PARN: variants seen among roughly 807,000 people sequenced by gnomAD.
PARN encodes poly(A)-specific ribonuclease PARN.
Under a neutral mutation model 102.8 loss-of-function variants are expected in PARN, and 71 were observed. The observed-to-expected ratio is 0.69, with a 90% CI of 0.57 to 0.84. The LOEUF is 0.84. Among genes scored for constraint, PARN ranks in the 40% least tolerant of loss-of-function variants. The pLI is 0.00. For missense variants in PARN, 782 were observed against 760.9 expected (o/e 1.03, Z -0.33); for synonymous variants, 261 against 252.9 (o/e 1.03, Z -0.30).
intron 22 of PARN, among the ~76,000 whole-genome samples, chr16:14,480,672 G>A (rs1279147787): frequency 1.3e-5 from 2 of 152,146 alleles, no homozygotes; most frequent in East Asian, 3.9e-4. Flanking sequence ...CAGGTGCAGT[G>A]GCTCACGCCT....
intron 12 of PARN, among the ~76,000 whole-genome samples, chr16:14,593,988 C>T (rs996532787): frequency 6.6e-6 from 1 of 151,608 alleles, no homozygotes; most frequent in African/African-American, 2.4e-5. Context: ...CAGAGTGAGA[C>T]CCCGTCTCAA....
rs760852789 is a variant in PARN, at chr16:14,453,959, T to C, written c.1671-6878A>G. On this transcript the variant is annotated intron_variant, in intron 22 of 23. Coordinates refer to ENST00000437198, the MANE Select transcript of PARN (RefSeq NM_002582.4). ...TACCTAGAAGGATTTCTGGGTGATA[T>C]ATAAAAATACATTTGCAATTTATGT... Among the ~76,000 whole-genome samples, 7 of 152,218 alleles carry C rather than the reference T, an allele frequency of 4.6e-5. No individual in the cohort carries two copies. The East Asian group carries it at 5.8e-4, about 13-fold the overall frequency.
At chr16:14,574,949 G>A (rs1007635650) in intron 18 of PARN, among the ~76,000 whole-genome samples, 1 of 152,190 alleles carries the variant, frequency 6.6e-6, no homozygotes, top group Non-Finnish European at 1.5e-5. Context: ...AAGTGGCCAA[G>A]GTACAGATCA....
intron 21 of PARN, among the ~76,000 whole-genome samples, chr16:14,541,908 T>G (rs773915302): frequency 3.9e-5 from 6 of 152,172 alleles, no homozygotes; most frequent in African/African-American, 1.2e-4. Flanking sequence ...AATTACTCAA[T>G]ATACAAAGAA....
chr16:14,500,046 C>A (rs1964504809), intron 21 of PARN, among the ~76,000 whole-genome samples: 1 of 152,078 alleles, frequency 6.6e-6, no homozygotes, highest in East Asian at 1.9e-4. Flanking sequence ...GAGAAGAACA[C>A]AGAATGCTTT....
At chr16:14,514,456 G>T (rs1314057487) in intron 21 of PARN, among the ~76,000 whole-genome samples, 2 of 152,146 alleles carry the variant, frequency 1.3e-5, no homozygotes, top group African/African-American at 4.8e-5. Context: ...AAAGTGCTGG[G>T]ATTACAGGCA....
At chr16:14,476,620 A>C (rs1054905065) in intron 22 of PARN, among the ~76,000 whole-genome samples, 1 of 152,208 alleles carries the variant, frequency 6.6e-6, no homozygotes, top group Non-Finnish European at 1.5e-5. Context: ...ACTTGAAGCA[A>C]AGAGTTCAAG....
intron 21 of PARN, among the ~76,000 whole-genome samples, chr16:14,533,229 C>A (rs1291067716): frequency 6.6e-6 from 1 of 152,142 alleles, no homozygotes; most frequent in African/African-American, 2.4e-5. Flanking sequence ...CACAGCGAAA[C>A]CCCGTCTCCA....
At chr16:14,611,012 T>C (rs913949455) in intron 6 of PARN, among the ~76,000 whole-genome samples, 6 of 152,248 alleles carry the variant, frequency 3.9e-5, no homozygotes, top group Admixed American at 1.3e-4. Flanking sequence ...AATATTTATC[T>C]GGCACTTATG....
At chr16:14,562,649 T>TA (rs1219940185) in intron 18 of PARN, among the ~76,000 whole-genome samples, 4,880 of 139,144 alleles carry the variant, frequency 0.035, 109 homozygotes, top group Non-Finnish European at 0.053. Context: ...TAAGTAGATT[T>TA]AAAAAAAAAA....
chr16:14,605,159 G>T (rs1971108816), intron 10 of PARN, among the ~76,000 whole-genome samples: 1 of 151,922 alleles, frequency 6.6e-6, no homozygotes, highest in Non-Finnish European at 1.5e-5. Flanking sequence ...GTCCAGGCTG[G>T]TCTCAAACTC....
chr16:14,584,812 G>T, intron 14 of PARN, 21 bp from the exon 15 acceptor site: 1 of 1,438,434 alleles, frequency 7.0e-7, no homozygotes, highest in Non-Finnish European at 9.5e-7. Context: ...TTTTTAACAA[G>T]GTAAACAAAA....
chr16:14,496,404 A>T (rs1414850844), intron 21 of PARN, among the ~76,000 whole-genome samples: 1 of 152,230 alleles, frequency 6.6e-6, no homozygotes, highest in Admixed American at 6.5e-5. Context: ...GAGTTTGGCA[A>T]AAAGTTTAGA....
At chr16:14,538,675 G>A (rs186401633) in intron 21 of PARN, among the ~76,000 whole-genome samples, 1 of 152,160 alleles carries the variant, frequency 6.6e-6, no homozygotes, top group East Asian at 1.9e-4. Context: ...ACATTCTTAG[G>A]TCCAGCTAAC....
chr16:14,570,629 G>A (rs374669981), intron 18 of PARN, among the ~76,000 whole-genome samples: 1 of 145,086 alleles, frequency 6.9e-6, no homozygotes, highest in Non-Finnish European at 1.5e-5. Flanking sequence ...CAGCCTGGGC[G>A]ACAGAGTGAG....
intron 21 of PARN, among the ~76,000 whole-genome samples, chr16:14,513,895 G>A (rs1035208085): frequency 4.6e-5 from 7 of 152,112 alleles, no homozygotes; most frequent in African/African-American, 1.7e-4. Flanking sequence ...TCTCCCACTA[G>A]ACTGCAAACT....
At chr16:14,562,899 T>C (rs1968161532) in intron 18 of PARN, among the ~76,000 whole-genome samples, 1 of 152,230 alleles carries the variant, frequency 6.6e-6, no homozygotes, top group Non-Finnish European at 1.5e-5. Flanking sequence ...TCAAAGGTTA[T>C]TCTATGATGA....
chr16:14,594,799 C>T (rs1184192518), intron 12 of PARN, among the ~76,000 whole-genome samples: 1 of 152,318 alleles, frequency 6.6e-6, no homozygotes, highest in East Asian at 1.9e-4. Flanking sequence ...CATGGGACTA[C>T]ACATTAATTA....
chr16:14,455,620 A>C lies in PARN; in HGVS notation c.1671-8539T>G, dbSNP rs538832495. Among the ~76,000 whole-genome samples, 4 of 152,092 alleles carry C rather than the reference A, an allele frequency of 2.6e-5. No individual in the cohort carries two copies. The East Asian group carries it at 7.9e-4, about 30-fold the overall frequency. On this transcript the variant is annotated intron_variant, in intron 22 of 23. Transcript: ENST00000437198. Reference sequence around the variant, plus strand: ...AACTTAAGGGCTGCTGCCAAAACTTACATCTTCCAACAAGACTTGGAGGAT... The same window carrying C: ...AACTTAAGGGCTGCTGCCAAAACTTCCATCTTCCAACAAGACTTGGAGGAT...
Sources: gnomAD v4.1 joint callset for allele counts (sites outside exome capture counted in the v4.1 genomes callset) on GRCh38, gnomAD v4.1.1 for gene constraint, MANE v1.5 for transcripts, NCBI Gene and HGNC (gene_info 2026-07-23, HGNC 2026-07-21) for gene names.